The following FRMD6 variants were observed in gnomAD, a reference collection of about 807,000 sequenced individuals.
The protein encoded by FRMD6 is FERM domain containing 6.
A neutral mutation model predicts 73.2 loss-of-function variants in FRMD6; 37 were observed. The observed-to-expected ratio is 0.51, with a 90% CI of 0.39 to 0.66. FRMD6 has a LOEUF of 0.66. FRMD6 is among the 30% of genes least tolerant of loss of function. The probability of loss-of-function intolerance (pLI) is 0.00; values close to 1 mark genes in which losing one functional copy is unlikely to be tolerated. For synonymous variants in FRMD6, 273 were observed against 282.2 expected, an observed-to-expected ratio of 0.97 and a Z score of 0.33; for missense variants, 714 against 780.5, an observed-to-expected ratio of 0.91 and a Z score of 1.02.
the FRMD6 span, among the ~76,000 whole-genome samples, chr14:51,472,092 TTTC>T: frequency 6.6e-6 from 1 of 152,112 alleles, no homozygotes; most frequent in Non-Finnish European, 1.5e-5. Flanking sequence ...TAGAAATAAA[TTTC>T]TTTTCTTTAT....
chr14:51,470,812 A>G, the FRMD6 span, among the ~76,000 whole-genome samples: 3 of 152,222 alleles, frequency 2.0e-5, no homozygotes, highest in South Asian at 6.2e-4. Context: ...GGTTTTCTAG[A>G]TGCCATATTG....
At chr14:51,699,413 C>T (rs1246151348) in intron 3 of FRMD6, among the ~76,000 whole-genome samples, 8 of 152,058 alleles carry the variant, frequency 5.3e-5, no homozygotes, top group Non-Finnish European at 1.0e-4. Flanking sequence ...ATTCTTCTTA[C>T]AACAACTACT....
chr14:51,646,211 G>A (rs976816092), intron 2 of FRMD6, among the ~76,000 whole-genome samples: 41 of 151,208 alleles, frequency 2.7e-4, no homozygotes, highest in African/African-American at 8.8e-4. Flanking sequence ...TCGGCTACTC[G>A]GGAGGCTGAG....
chr14:51,495,324 A>G (rs1883231923), intron 1 of FRMD6, among the ~76,000 whole-genome samples: 1 of 152,242 alleles, frequency 6.6e-6, no homozygotes, highest in Admixed American at 6.5e-5. Flanking sequence ...TAAGAATATT[A>G]AGGCATTCTC....
chr14:51,593,489 A>G (rs1343476949), intron 2 of FRMD6, among the ~76,000 whole-genome samples: 2 of 152,212 alleles, frequency 1.3e-5, no homozygotes, highest in Non-Finnish European at 2.9e-5. Flanking sequence ...ACAACAGAAA[A>G]ATGAATGTCA....
chr14:51,694,958 G>A (rs1007992077), intron 2 of FRMD6, among the ~76,000 whole-genome samples: 8 of 148,516 alleles, frequency 5.4e-5, no homozygotes, highest in Admixed American at 5.3e-4. Flanking sequence ...CTGCTTACTT[G>A]ATATTTGTTA....
the FRMD6 span, among the ~76,000 whole-genome samples, chr14:51,411,543 A>G: frequency 1.3e-5 from 2 of 152,118 alleles, no homozygotes; most frequent in Non-Finnish European, 2.9e-5. Context: ...ACTTGTAACC[A>G]TTGCTTTATT....
chr14:51,414,112 A>T, the FRMD6 span, among the ~76,000 whole-genome samples: 5 of 152,032 alleles, frequency 3.3e-5, no homozygotes, highest in East Asian at 7.7e-4. Context: ...TTGCCTGTTC[A>T]CTCTGATGGT....
At chr14:51,478,180 A>G in the FRMD6 span, among the ~76,000 whole-genome samples, 1 of 152,384 alleles carries the variant, frequency 6.6e-6, no homozygotes, top group East Asian at 1.9e-4. Flanking sequence ...CATGTCTGTA[A>G]AACTGAAATT....
At chr14:51,590,029 C>T (rs1889291914) in intron 2 of FRMD6, among the ~76,000 whole-genome samples, 1 of 147,754 alleles carries the variant, frequency 6.8e-6, no homozygotes, top group Non-Finnish European at 1.5e-5. Context: ...GATCGTGCTA[C>T]CGCACTCCAG....
the FRMD6 span, among the ~76,000 whole-genome samples, chr14:51,459,787 A>G: frequency 6.8e-6 from 1 of 147,258 alleles, no homozygotes; most frequent in Admixed American, 6.8e-5. Context: ...AGATCATGCC[A>G]AGGCACTCCA....
Position 51,727,763 on chromosome 14 carries a change from A to AAGACCTCCACTGATCG in FRMD6, c.1605_1620dup (p.His541AspfsTer4). On this transcript the variant is annotated frameshift_variant, in exon 14 of 14. Coordinates refer to ENST00000344768, the MANE Select transcript of FRMD6 (RefSeq NM_001267046.2). LOFTEE classifies it high-confidence loss of function. ...CTTGCAGACTATATGTCGGAAACCAAAGACCTCCACTGATCGACACAGCTT... is the reference window on the plus strand; with the variant it reads ...CTTGCAGACTATATGTCGGAAACCAAAGACCTCCACTGATCGAGACCTCCACTGATCGACACAGCTT... The AAGACCTCCACTGATCG allele has an allele frequency of 6.2e-7, 1 of 1,600,312 alleles. No individual in the cohort carries two copies. Among genetic ancestry groups the AAGACCTCCACTGATCG allele is most frequent in the Non-Finnish European group, 8.6e-7 (1 of 1,168,522 alleles).
chr14:51,572,808 C>G (rs1250215087), intron 2 of FRMD6, among the ~76,000 whole-genome samples: 2 of 152,140 alleles, frequency 1.3e-5, no homozygotes, highest in Non-Finnish European at 2.9e-5. Flanking sequence ...TTTCAAAGAG[C>G]TTTTACTTTC....
chr14:51,454,004 C>T, the FRMD6 span, among the ~76,000 whole-genome samples: 3 of 152,212 alleles, frequency 2.0e-5, no homozygotes, highest in Admixed American at 2.0e-4. Context: ...GGCTCTGCTC[C>T]GTGCCAGTCA....
intron 7 of FRMD6, among the ~76,000 whole-genome samples, chr14:51,710,182 C>T (rs1287558936): frequency 6.6e-6 from 1 of 152,096 alleles, no homozygotes. Context: ...GAAAATGACT[C>T]TTATCTGCTA....
intron 7 of FRMD6, among the ~76,000 whole-genome samples, chr14:51,709,106 C>T (rs569062426): frequency 1.3e-3 from 199 of 152,290 alleles, no homozygotes; most frequent in South Asian, 2.9e-3. Flanking sequence ...GCAAGAACTC[C>T]TGAATACCCA....
upstream of FRMD6, among the ~76,000 whole-genome samples, chr14:51,649,334 A>G (rs748510476): frequency 4.6e-5 from 7 of 152,168 alleles, no homozygotes; most frequent in African/African-American, 7.2e-5. Flanking sequence ...TTTTCCTACA[A>G]TATAATTCTG....
chr14:51,553,308 C>T (rs139518038), intron 1 of FRMD6, among the ~76,000 whole-genome samples: 237 of 152,302 alleles, frequency 1.6e-3, no homozygotes, highest in African/African-American at 5.4e-3. Flanking sequence ...ATGCCCTTAA[C>T]TCTGCAGGAT....
At chr14:51,409,921 C>T in the FRMD6 span, among the ~76,000 whole-genome samples, 4 of 152,148 alleles carry the variant, frequency 2.6e-5, no homozygotes, top group Admixed American at 2.6e-4. Context: ...CCATCTTAGA[C>T]CATCTCCTTG....
Sources: gnomAD v4.1 joint callset for allele counts (sites outside exome capture counted in the v4.1 genomes callset) on GRCh38, gnomAD v4.1.1 for gene constraint, MANE v1.5 for transcripts, NCBI Gene and HGNC (gene_info 2026-07-23, HGNC 2026-07-21) for gene names.